BCAS3: variants seen among roughly 807,000 people sequenced by gnomAD.
The protein encoded by BCAS3 is BCAS4/BCAS3 fusion.
In BCAS3, 53 loss-of-function variants were observed where a neutral mutation model predicts 116.1. That is an observed-to-expected ratio of 0.46 (90% CI 0.37 to 0.57). The LOEUF (loss-of-function observed/expected upper bound fraction) is 0.57. Ranked by LOEUF, BCAS3 falls within the 20% of genes least tolerant of loss-of-function variation. The probability of loss-of-function intolerance (pLI) is 0.00; values close to 1 mark genes in which losing one functional copy is unlikely to be tolerated. For synonymous variants in BCAS3, 391 were observed against 408.2 expected (o/e 0.96, Z 0.51); for missense variants, 917 against 1,165.4 (o/e 0.79, Z 3.10).
intron 7 of BCAS3, among the ~76,000 whole-genome samples, chr17:60,855,114 T>C (rs1451687898): frequency 1.3e-5 from 2 of 150,806 alleles, no homozygotes; most frequent in African/African-American, 4.9e-5. Flanking sequence ...CACGCCTGGC[T>C]AATTTTTGTA....
At chr17:61,109,184 CAAAAAAAAAA>C (rs4011679) in intron 22 of BCAS3, among the ~76,000 whole-genome samples, 1 of 57,422 alleles carries the variant, frequency 1.7e-5, no homozygotes. Flanking sequence ...GACTTTGTCT[CAAAAAAAAAA>C]AAAAAAAAAG....
Position 61,115,804 on chromosome 17 carries a change from C to A in BCAS3, c.2425+31240C>A, listed in dbSNP as rs949984439. On this transcript the variant is annotated intron_variant, in intron 22 of 23. Coordinates refer to ENST00000407086, the MANE Select transcript of BCAS3 (RefSeq NM_017679.5). Reference sequence around the variant, plus strand: ...GACACATGCACACGTATGTTTATTGCGGCATTATTCACAATAGCAAAGACT... The same window carrying A: ...GACACATGCACACGTATGTTTATTGAGGCATTATTCACAATAGCAAAGACT... 2.7e-3 allele frequency among the ~76,000 whole-genome samples: 403 copies of A among 150,328 alleles called. 1 individual carries two copies. The highest frequency in any genetic ancestry group is 9.5e-3 in the African/African-American group (391 of 41,024).
At chr17:60,730,912 C>A (rs2040393748) in intron 5 of BCAS3, among the ~76,000 whole-genome samples, 1 of 152,104 alleles carries the variant, frequency 6.6e-6, no homozygotes, top group African/African-American at 2.4e-5. Flanking sequence ...AGACTGTCAG[C>A]TTTCAGTAGA....
intron 13 of BCAS3, among the ~76,000 whole-genome samples, chr17:60,926,596 T>A (rs1265467943): frequency 2.0e-5 from 3 of 152,148 alleles, no homozygotes; most frequent in Non-Finnish European, 4.4e-5. Flanking sequence ...GGGAATTAAG[T>A]TAAATGTGAA....
intron 22 of BCAS3, among the ~76,000 whole-genome samples, chr17:61,266,554 G>C (rs1568705187): frequency 2.0e-5 from 3 of 152,200 alleles, no homozygotes; most frequent in African/African-American, 7.2e-5. Context: ...GTATCTAAGA[G>C]TGGAGAGATG....
intron 19 of BCAS3, among the ~76,000 whole-genome samples, chr17:61,061,691 G>A (rs1444516214): frequency 6.6e-6 from 1 of 152,134 alleles, no homozygotes; most frequent in Non-Finnish European, 1.5e-5. Flanking sequence ...AATTTATAAT[G>A]GAGAATTGAT....
At chr17:60,795,890 A>G (rs2047172016) in intron 6 of BCAS3, among the ~76,000 whole-genome samples, 1 of 152,076 alleles carries the variant, frequency 6.6e-6, no homozygotes, top group South Asian at 2.1e-4. Flanking sequence ...GGGTTTCACC[A>G]TGTTGGCCAG....
chr17:60,892,654 C>A (rs1486165538), intron 10 of BCAS3, among the ~76,000 whole-genome samples: 1 of 149,282 alleles, frequency 6.7e-6, no homozygotes, highest in Non-Finnish European at 1.5e-5. Flanking sequence ...GGCATGGTGG[C>A]TCATGCCTAT....
chr17:60,930,467 C>T (rs912443573), intron 13 of BCAS3, among the ~76,000 whole-genome samples: 1 of 152,066 alleles, frequency 6.6e-6, no homozygotes, highest in South Asian at 2.1e-4. Flanking sequence ...TTCATTCATT[C>T]ATTTTTTGAG....
chr17:61,025,763 T>C (rs2066199182), intron 16 of BCAS3, among the ~76,000 whole-genome samples: 4 of 152,124 alleles, frequency 2.6e-5, no homozygotes, highest in African/African-American at 9.6e-5. Context: ...TACCTCACTT[T>C]CTTCTAGTTA....
intron 22 of BCAS3, among the ~76,000 whole-genome samples, chr17:61,336,469 C>T (rs1410364539): frequency 6.6e-6 from 1 of 152,182 alleles, no homozygotes; most frequent in South Asian, 2.1e-4. Context: ...AGCTTTCTTC[C>T]TGTTCTCTGT....
chr17:60,903,716 C>T (rs1305740704), intron 11 of BCAS3, among the ~76,000 whole-genome samples: 2 of 152,188 alleles, frequency 1.3e-5, no homozygotes, highest in East Asian at 1.9e-4. Flanking sequence ...TACAGGTGTG[C>T]ATCACCGCAC....
intron 7 of BCAS3, among the ~76,000 whole-genome samples, chr17:60,814,143 A>G (rs373040830): frequency 4.2e-4 from 64 of 152,244 alleles, no homozygotes; most frequent in African/African-American, 1.5e-3. Flanking sequence ...AACAATATTT[A>G]TTCTTCCAAT....
Position 61,171,902 on chromosome 17 carries a change from C to T in BCAS3, c.2425+87338C>T, listed in dbSNP as rs759425993. ...CTCACCTTGGCCTTCCAAAGTGTTA[C>T]GATTACCAGTGTGAGCCACCATACC... is the stretch of plus-strand genomic sequence containing the variant. On this transcript the variant is annotated intron_variant, in intron 22 of 23. Transcript: ENST00000407086. This position sits in a 1 kb window ranked among gnomAD's most constrained non-coding sequence, Gnocchi z 4.1. Among the ~76,000 whole-genome samples the T allele has an allele frequency of 2.6e-5, 4 of 151,634 alleles. No homozygotes were observed. The highest frequency in any genetic ancestry group is 2.1e-4 in the South Asian group (1 of 4,806).
chr17:60,889,903 T>C, intron 10 of BCAS3, 132 bp downstream of exon 10: 3 of 817,964 alleles, frequency 3.7e-6, no homozygotes. Flanking sequence ...TGCTTTGGTT[T>C]GGTTTTAATT....
Position 61,281,372 on chromosome 17 carries a change from G to A in BCAS3, c.2426-86955G>A, listed in dbSNP as rs1159704668. Among the ~76,000 whole-genome samples the A allele has an allele frequency of 6.6e-6, 1 of 152,166 alleles. No individual in the cohort carries two copies. The highest frequency in any genetic ancestry group is 1.5e-5 in the Non-Finnish European group (1 of 68,016). On this transcript the variant is annotated intron_variant, in intron 22 of 23. Coordinates refer to ENST00000407086, the MANE Select transcript of BCAS3 (RefSeq NM_017679.5). The surrounding 1 kb of genome is among the most constrained non-coding windows in gnomAD (Gnocchi z 4.2). ...GTAGAATTCCCAGGTCAAAGGATAAGTGACCTAGGAATTTTTTGTAATTTA... is the reference window on the plus strand; with the variant it reads ...GTAGAATTCCCAGGTCAAAGGATAAATGACCTAGGAATTTTTTGTAATTTA...
chr17:61,036,706 C>T (rs752608456), intron 17 of BCAS3, among the ~76,000 whole-genome samples: 9 of 152,142 alleles, frequency 5.9e-5, no homozygotes, highest in Non-Finnish European at 1.0e-4. Flanking sequence ...ACTGTAAAAC[C>T]GGAGAGAGAG....
chr17:60,839,869 T>C (rs2051732743), intron 7 of BCAS3, among the ~76,000 whole-genome samples: 1 of 152,178 alleles, frequency 6.6e-6, no homozygotes, highest in Admixed American at 6.5e-5. Flanking sequence ...TCTTGGAAAA[T>C]GTCACTTTCT....
At chr17:60,876,154 T>C (rs1007556321) in intron 9 of BCAS3, among the ~76,000 whole-genome samples, 7 of 152,042 alleles carry the variant, frequency 4.6e-5, no homozygotes, top group African/African-American at 9.6e-5. Flanking sequence ...AACACAGATA[T>C]ATAGTTATCT....
Sources: allele counts gnomAD v4.1 joint callset (sites outside exome capture counted in the v4.1 genomes callset), GRCh38; gene constraint gnomAD v4.1.1; non-coding constraint Gnocchi (gnomAD v3.1); transcripts MANE v1.5; gene names NCBI Gene and HGNC (gene_info 2026-07-23, HGNC 2026-07-21).